ASTN2: variants seen among roughly 807,000 people sequenced by gnomAD.
The protein encoded by ASTN2 is astrotactin-2.
Under a neutral mutation model 139.8 loss-of-function variants are expected in ASTN2, and 54 were observed. That is an observed-to-expected ratio of 0.39 (90% CI 0.31 to 0.48). The LOEUF is 0.48. Ranked by LOEUF, ASTN2 falls within the 20% of genes least tolerant of loss-of-function variation. ASTN2 has a pLI of 0.95. For missense variants in ASTN2, 1,565 were observed against 1,725.1 expected (o/e 0.91, Z 1.64); for synonymous variants, 756 against 719.5 (o/e 1.05, Z -0.81).
intron 5 of ASTN2, among the ~76,000 whole-genome samples, chr9:117,094,192 GA>G (rs796315643): frequency 2.0e-5 from 1 of 50,752 alleles, no homozygotes; most frequent in Non-Finnish European, 4.9e-5. Context: ...GGGAGGAGAG[GA>G]GAGGAGAGGA....
intron 1 of ASTN2, among the ~76,000 whole-genome samples, chr9:117,326,746 T>A (rs934989961): frequency 1.3e-5 from 2 of 151,780 alleles, no homozygotes; most frequent in South Asian, 2.1e-4. Flanking sequence ...GGTGATGAAG[T>A]GTTCCAAGTG....
chr9:117,298,935 GAC>G (rs1403732078), intron 1 of ASTN2, among the ~76,000 whole-genome samples: 2 of 151,912 alleles, frequency 1.3e-5, no homozygotes, highest in Admixed American at 6.6e-5. Context: ...AGAGAGAAGA[GAC>G]AGCAACTTGG....
intron 11 of ASTN2, among the ~76,000 whole-genome samples, chr9:116,841,729 C>T (rs560037297): frequency 4.6e-5 from 7 of 152,282 alleles, no homozygotes; most frequent in Non-Finnish European, 1.0e-4. Flanking sequence ...TAACTCCTTC[C>T]TCACTAGGCT....
chr9:117,081,022 G>C (rs973364265), intron 5 of ASTN2, among the ~76,000 whole-genome samples: 12 of 152,170 alleles, frequency 7.9e-5, no homozygotes, highest in Admixed American at 2.6e-4. Flanking sequence ...AACCAGAGTA[G>C]AGGCCACTTT....
At chr9:116,704,965 T>TAA (rs1480132229) in intron 16 of ASTN2, among the ~76,000 whole-genome samples, 1 of 152,218 alleles carries the variant, frequency 6.6e-6, no homozygotes, top group African/African-American at 2.4e-5. Context: ...TTTAAAACCT[T>TAA]AGAAACATGC....
chr9:116,480,692 T>C (rs1849139030), intron 20 of ASTN2, among the ~76,000 whole-genome samples: 1 of 152,114 alleles, frequency 6.6e-6, no homozygotes, highest in Non-Finnish European at 1.5e-5. Flanking sequence ...CATCTAATCA[T>C]GGACCTGAAG....
chr9:117,241,500 G>A (rs139747189), intron 2 of ASTN2, among the ~76,000 whole-genome samples: 66 of 152,236 alleles, frequency 4.3e-4, no homozygotes, highest in African/African-American at 1.4e-3. Flanking sequence ...CTGTGGTTAC[G>A]GAATAAAACT....
In ASTN2 at chr9:117,211,669, A is replaced by G. The variant is rs139769753; in HGVS notation, c.1015+2689T>C. ...GGTAGTTCTTTATAGCAGTGTGAGA[A>G]CAGACTAATAACTAACTGATAAAAA... On this transcript the variant is annotated intron_variant, in intron 3 of 22. Coordinates refer to ENST00000313400, the MANE Select transcript of ASTN2 (RefSeq NM_001365068.1). 2.1e-3 allele frequency among the ~76,000 whole-genome samples: 318 copies of G among 152,314 alleles called. 3 individuals carry two copies. Among genetic ancestry groups the G allele is most frequent in the African/African-American group, 7.4e-3 (309 of 41,566 alleles).
intron 19 of ASTN2, among the ~76,000 whole-genome samples, chr9:116,591,342 C>T (rs1177067828): frequency 6.6e-6 from 1 of 152,174 alleles, no homozygotes; most frequent in Non-Finnish European, 1.5e-5. Context: ...AAGCCACCTG[C>T]CCTTCTGCAG....
chr9:117,284,505 C>T (rs2130772349), intron 2 of ASTN2, among the ~76,000 whole-genome samples: 1 of 152,342 alleles, frequency 6.6e-6, no homozygotes. Flanking sequence ...TAAGCCAAGG[C>T]ACTACCAGAA....
intron 13 of ASTN2, among the ~76,000 whole-genome samples, chr9:116,804,707 T>C (rs1282840062): frequency 6.6e-6 from 1 of 152,142 alleles, no homozygotes; most frequent in East Asian, 1.9e-4. Context: ...ATGGAAACAA[T>C]GATTATTATA....
intron 10 of ASTN2, among the ~76,000 whole-genome samples, chr9:116,968,623 G>T (rs886736709): frequency 1.3e-5 from 2 of 152,116 alleles, no homozygotes; most frequent in African/African-American, 4.8e-5. Context: ...TCCTGGCTGG[G>T]TGTGGTGGCT....
At chr9:116,760,315 G>A (rs1267185792) in intron 13 of ASTN2, among the ~76,000 whole-genome samples, 1 of 152,162 alleles carries the variant, frequency 6.6e-6, no homozygotes, top group Non-Finnish European at 1.5e-5. Flanking sequence ...GAAGTATGGG[G>A]CAGCATTTGT....
intron 2 of ASTN2, among the ~76,000 whole-genome samples, chr9:117,283,401 C>G (rs1587909721): frequency 1.3e-5 from 2 of 151,212 alleles, no homozygotes; most frequent in African/African-American, 4.9e-5. Flanking sequence ...TCTATACTTA[C>G]AATATTAAAA....
intron 1 of ASTN2, among the ~76,000 whole-genome samples, chr9:117,364,448 C>G (rs1324810553): frequency 6.6e-6 from 1 of 152,086 alleles, no homozygotes; most frequent in Non-Finnish European, 1.5e-5. Flanking sequence ...AAAATATGAG[C>G]CTTTTGAACT....
intron 17 of ASTN2, among the ~76,000 whole-genome samples, chr9:116,631,436 T>C (rs992132431): frequency 6.6e-6 from 1 of 152,124 alleles, no homozygotes; most frequent in Non-Finnish European, 1.5e-5. Flanking sequence ...GAACTGGAGG[T>C]AATTATGTTA....
intron 19 of ASTN2, among the ~76,000 whole-genome samples, chr9:116,614,310 T>A: frequency 6.6e-6 from 1 of 152,170 alleles, no homozygotes; most frequent in East Asian, 1.9e-4. Flanking sequence ...AGATAATTTA[T>A]AGATTCAGTG....
At position 117,374,402 on chromosome 9, in the gene ASTN2, C is replaced by T. The variant is rs568998243; in HGVS notation, c.442+40095G>A. ...AAAAAAAAAAAAAAAAAGCACAGATCGCAGCCCGCAAACATGAGAGCTTTT... is the reference window on the plus strand; with the variant it reads ...AAAAAAAAAAAAAAAAAGCACAGATTGCAGCCCGCAAACATGAGAGCTTTT... On this transcript the variant is annotated intron_variant, in intron 1 of 22. Coordinates refer to ENST00000313400, the MANE Select transcript of ASTN2 (RefSeq NM_001365068.1). Among the ~76,000 whole-genome samples, 26 of 138,080 alleles carry T rather than the reference C, an allele frequency of 1.9e-4. No individual in the cohort carries two copies. The South Asian group carries it at 2.6e-3, about 14-fold the overall frequency. The allele number at this position is 138,080 out of a possible 152,430, so 90.6% of individuals were successfully genotyped here. A position where few individuals can be genotyped will look rare whatever the true frequency, so the allele number is the denominator to read the frequency against.
intron 22 of ASTN2, among the ~76,000 whole-genome samples, 197 bp downstream of exon 22, chr9:116,440,412 G>A (rs1488581887): frequency 1.3e-5 from 2 of 152,122 alleles, no homozygotes; most frequent in African/African-American, 2.4e-5. Flanking sequence ...CAACATTCCA[G>A]GAGTGCAGGA....
Sources: gnomAD v4.1 joint callset for allele counts (sites outside exome capture counted in the v4.1 genomes callset) on GRCh38, gnomAD v4.1.1 for gene constraint, MANE v1.5 for transcripts, NCBI Gene and HGNC (gene_info 2026-07-23, HGNC 2026-07-21) for gene names.